Variants in DNAH6 observed in about 807,000 individuals in gnomAD.
DNAH6 encodes the protein axonemal beta dynein heavy chain 6.
In DNAH6, 340 loss-of-function variants were observed where a neutral mutation model predicts 491.4. The ratio of observed to expected loss-of-function variants is 0.69; its 90% CI spans 0.63 to 0.76. The LOEUF is 0.76. Among genes scored for constraint, DNAH6 ranks in the 30% least tolerant of loss-of-function variants. The pLI is 0.00. For missense variants in DNAH6, 4,443 were observed against 4,972.2 expected (o/e 0.89, Z 3.20); for synonymous variants, 1,603 against 1,686.1 (o/e 0.95, Z 1.21).
intron 31 of DNAH6, among the ~76,000 whole-genome samples, chr2:84,639,417 A>AT (rs374331918): frequency 0.6 from 79,929 of 133,120 alleles, 25,025 homozygotes; most frequent in Non-Finnish European, 0.69. Context: ...GTTGTCAGTA[A>AT]TTTTTTTTTT....
intron 68 of DNAH6, among the ~76,000 whole-genome samples, chr2:84,795,173 G>C (rs1000422386): frequency 1.7e-5 from 2 of 114,780 alleles, no homozygotes; most frequent in African/African-American, 3.3e-5. Flanking sequence ...GTTGTGGGGT[G>C]GGGGGAGGGG....
At chr2:84,668,024 G>A (rs368658283) in intron 37 of DNAH6, among the ~76,000 whole-genome samples, 1 of 152,274 alleles carries the variant, frequency 6.6e-6, no homozygotes, top group Non-Finnish European at 1.5e-5. Context: ...CTCATTCATA[G>A]GTGGGAATTG....
Position 84,777,372 on chromosome 2 carries a change from C to T in DNAH6, c.10704-4121C>T, listed in dbSNP as rs1573778706. On this transcript the variant is annotated intron_variant, in intron 64 of 76. Coordinates refer to ENST00000389394, the MANE Select transcript of DNAH6 (RefSeq NM_001370.2). ...ACAAGATCTGAGATTCCATTCTGTC[C>T]CAAAATGCAAGGAACATTAAGGAAG... 7 of 397,170 alleles carry T rather than the reference C, an allele frequency of 1.8e-5. No homozygotes were observed. The South Asian group carries it at 2.4e-4, about 14-fold the overall frequency. 24.6% of individuals were successfully genotyped at this position (397,170 alleles called of 1,614,324 possible). A position where few individuals can be genotyped will look rare whatever the true frequency, so the allele number is the denominator to read the frequency against.
At chr2:84,605,704 G>GA (rs1685693311) in intron 20 of DNAH6, 112 bp downstream of exon 20, 1 of 636,984 alleles carries the variant, frequency 1.6e-6, no homozygotes, top group South Asian at 2.8e-5. Context: ...CACTTAATAA[G>GA]AAAAATCTAA....
rs377098427 is a variant in DNAH6 at position 84,702,574 on chromosome 2, G to A, written c.8062-821G>A. Among the ~76,000 whole-genome samples the A allele has an allele frequency of 5.9e-5, 8 of 135,006 alleles. No homozygotes were observed. In the East Asian group the frequency reaches 1.3e-3, roughly 22 times the overall value. The allele number at this position is 135,006 out of a possible 152,430, so 88.6% of individuals were successfully genotyped here. The stretch of plus-strand genomic sequence containing the variant: ...TTTTTTTTTTTTGAGATGGAGTCTC[G>A]CTCTGTCACCCAGGCTGGAGTGCAG... On this transcript the variant is annotated intron_variant, in intron 49 of 76. Transcript: ENST00000389394.
the DNAH6 span, among the ~76,000 whole-genome samples, chr2:84,500,938 AT>A: frequency 6.6e-6 from 1 of 152,140 alleles, no homozygotes; most frequent in East Asian, 1.9e-4. Context: ...GAGTCTTTAC[AT>A]TTTTTCATAT....
the DNAH6 span, among the ~76,000 whole-genome samples, chr2:84,472,887 G>A: frequency 6.6e-5 from 10 of 152,284 alleles, no homozygotes; most frequent in East Asian, 1.7e-3. Context: ...GTCACATTTC[G>A]AATTAAGGCA....
intron 62 of DNAH6, among the ~76,000 whole-genome samples, chr2:84,736,327 G>T (rs1449422207): frequency 1.3e-5 from 2 of 152,020 alleles, no homozygotes; most frequent in East Asian, 1.9e-4. Flanking sequence ...GGCTGTTTGG[G>T]CATATTTTTT....
At chr2:84,620,641 C>G (rs1687304471) in intron 24 of DNAH6, among the ~76,000 whole-genome samples, 1 of 152,106 alleles carries the variant, frequency 6.6e-6, no homozygotes, top group Non-Finnish European at 1.5e-5. Context: ...AACATATAAA[C>G]ATTTTATTTG....
chr2:84,516,681 A>C (rs1040505954), intron 1 of DNAH6, 98 bp downstream of exon 1: 3 of 152,238 alleles, frequency 2.0e-5, no homozygotes, highest in Non-Finnish European at 4.4e-5. Context: ...AGAGGCAGAG[A>C]AAATCAATGG....
At chr2:84,494,882 A>T in the DNAH6 span, among the ~76,000 whole-genome samples, 1 of 152,106 alleles carries the variant, frequency 6.6e-6, no homozygotes, top group South Asian at 2.1e-4. Flanking sequence ...AGATTGATTC[A>T]TGAGGTCTGG....
intron 2 of DNAH6, among the ~76,000 whole-genome samples, chr2:84,521,062 C>T (rs994878251): frequency 1.3e-5 from 2 of 151,824 alleles, no homozygotes; most frequent in African/African-American, 4.8e-5. Context: ...AAATACAATA[C>T]TCTCCATCTA....
intron 59 of DNAH6, among the ~76,000 whole-genome samples, chr2:84,719,869 AACACACAC>A (rs72442165): frequency 6.9e-5 from 10 of 144,774 alleles, no homozygotes; most frequent in Admixed American, 6.2e-4. Context: ...CTGTACCTCT[AACACACAC>A]ACACACACAC....
chr2:84,663,239 T>G (rs1691717130), intron 37 of DNAH6, among the ~76,000 whole-genome samples: 1 of 152,196 alleles, frequency 6.6e-6, no homozygotes, highest in African/African-American at 2.4e-5. Context: ...GGATGGAGAA[T>G]GACTTTGACG....
the DNAH6 span, among the ~76,000 whole-genome samples, chr2:84,480,173 T>C: frequency 1.3e-5 from 2 of 152,260 alleles, no homozygotes; most frequent in Non-Finnish European, 2.9e-5. Flanking sequence ...ATACATTTTA[T>C]AGATAATTTC....
At chr2:84,720,867 C>T (rs13424414) in intron 59 of DNAH6, among the ~76,000 whole-genome samples, 1 of 152,152 alleles carries the variant, frequency 6.6e-6, no homozygotes, top group Non-Finnish European at 1.5e-5. Context: ...CCATCTTTAT[C>T]TATAAGCTGG....
chr2:84,534,560 A>G (rs1677495970), intron 4 of DNAH6, among the ~76,000 whole-genome samples: 1 of 152,090 alleles, frequency 6.6e-6, no homozygotes, highest in South Asian at 2.1e-4. Context: ...TGAGAAACAC[A>G]AAGAAATCCT....
At chr2:84,792,561 G>A (rs1272190355) in intron 68 of DNAH6, among the ~76,000 whole-genome samples, 2 of 152,128 alleles carry the variant, frequency 1.3e-5, no homozygotes, top group African/African-American at 4.8e-5. Context: ...AAAGGCGCGG[G>A]GGTGAGGGGA....
intron 63 of DNAH6, among the ~76,000 whole-genome samples, chr2:84,756,757 A>G (rs2105102897): frequency 6.6e-6 from 1 of 152,216 alleles, no homozygotes; most frequent in East Asian, 1.9e-4. Context: ...AATACCTTCA[A>G]AAAAGTATTC....
Sources: gnomAD v4.1 joint callset for allele counts (sites outside exome capture counted in the v4.1 genomes callset) on GRCh38, gnomAD v4.1.1 for gene constraint, MANE v1.5 for transcripts, NCBI Gene and HGNC (gene_info 2026-07-23, HGNC 2026-07-21) for gene names.